The following TMEM131 variants were observed in gnomAD, a reference collection of about 807,000 sequenced individuals.
The protein encoded by TMEM131 is transmembrane protein 131.
TMEM131 carries 66 observed loss-of-function variants against 211.6 expected under a neutral mutation model. The ratio of observed to expected loss-of-function variants is 0.31; its 90% CI spans 0.26 to 0.38. The LOEUF (loss-of-function observed/expected upper bound fraction) is 0.38. TMEM131 is among the 10% of genes least tolerant of loss of function. The pLI is 1.00. For missense variants in TMEM131, 2,036 were observed against 2,299.3 expected, an observed-to-expected ratio of 0.89 and a Z score of 2.34; for synonymous variants, 844 against 841.3, an observed-to-expected ratio of 1.00 and a Z score of -0.06.
chr2:97,971,411 T>A (rs942160186), intron 1 of TMEM131, among the ~76,000 whole-genome samples: 1 of 152,094 alleles, frequency 6.6e-6, no homozygotes, highest in Non-Finnish European at 1.5e-5. Context: ...AGAAAAAAAA[T>A]ACTGAAATAT....
At chr2:97,854,354 G>C (rs1285445853) in intron 5 of TMEM131, among the ~76,000 whole-genome samples, 1 of 152,090 alleles carries the variant, frequency 6.6e-6, no homozygotes, top group Non-Finnish European at 1.5e-5. Context: ...ATATATATGG[G>C]GAAACAAAAA....
chr2:97,811,065 G>T, intron 18 of TMEM131, 63 bp downstream of exon 18: 2 of 1,154,318 alleles, frequency 1.7e-6, no homozygotes, highest in South Asian at 1.3e-5. Context: ...GTTTCATAAA[G>T]ACAAGAAAGG....
At chr2:97,822,999 T>C (rs768386059) in intron 11 of TMEM131, among the ~76,000 whole-genome samples, 6 of 152,162 alleles carry the variant, frequency 3.9e-5, no homozygotes, top group Non-Finnish European at 8.8e-5. Flanking sequence ...ATTATAATAC[T>C]ATCCTGCAGC....
intron 1 of TMEM131, among the ~76,000 whole-genome samples, chr2:97,939,267 T>C (rs1293270416): frequency 6.6e-6 from 1 of 151,858 alleles, no homozygotes; most frequent in Non-Finnish European, 1.5e-5. Context: ...ATCAACAAAA[T>C]TGATAGACCT....
intron 40 of TMEM131, among the ~76,000 whole-genome samples, chr2:97,758,561 A>G (rs1019242637): frequency 6.6e-6 from 1 of 152,204 alleles, no homozygotes; most frequent in African/African-American, 2.4e-5. Context: ...TGAACCTGCC[A>G]TAGGCCTATG....
chr2:97,884,349 A>ATAAC (rs1559423289), intron 4 of TMEM131, among the ~76,000 whole-genome samples: 6 of 152,236 alleles, frequency 3.9e-5, no homozygotes, highest in Admixed American at 1.3e-4. Context: ...ACATACGATC[A>ATAAC]ATCCTGAAGA....
At chr2:97,855,847 G>T (rs750861232) in intron 5 of TMEM131, among the ~76,000 whole-genome samples, 3 of 151,758 alleles carry the variant, frequency 2.0e-5, no homozygotes, top group Non-Finnish European at 4.4e-5. Context: ...TTGCTACATC[G>T]CATTTTGTTA....
Position 97,814,391 on chromosome 2 carries a change from A to C in TMEM131, c.1293-3T>G. 1 of 1,580,294 alleles carries C rather than the reference A, an allele frequency of 6.3e-7. No homozygotes were observed. The highest frequency in any genetic ancestry group is 1.7e-4 in the Middle Eastern group (1 of 5,920). The stretch of plus-strand genomic sequence containing the variant: ...CAGCATGATCAAATCCCAAATAACT[A>C]TTAAAAAAAACAACAAGAACAAAAT... On this transcript the variant is annotated splice_polypyrimidine_tract_variant and splice_region_variant and intron_variant, in intron 13 of 40. Coordinates refer to ENST00000186436, the MANE Select transcript of TMEM131 (RefSeq NM_015348.2).
At chr2:97,812,850 C>A (rs1005853729) in intron 15 of TMEM131, 101 bp from the exon 16 acceptor site, 1 of 636,024 alleles carries the variant, frequency 1.6e-6, no homozygotes, top group Non-Finnish European at 2.6e-6. Flanking sequence ...AAGTTCCCCC[C>A]AAAATTAGCT....
In TMEM131 at chr2:97,851,653, T is replaced by A. The variant is rs1265876472; in HGVS notation, c.484-7392A>T. On this transcript the variant is annotated intron_variant, in intron 5 of 40. Transcript: ENST00000186436. ...ATATTTCCAAATTTTTCATTATTAT[T>A]ATATCTGCATGGTGATCTGTGATCT... Among the ~76,000 whole-genome samples the A allele has an allele frequency of 2.0e-5, 3 of 152,348 alleles. No homozygotes were observed. The East Asian group carries it at 5.8e-4, about 29-fold the overall frequency.
At chr2:97,881,618 A>T (rs1674934126) in intron 4 of TMEM131, among the ~76,000 whole-genome samples, 1 of 151,362 alleles carries the variant, frequency 6.6e-6, no homozygotes, top group Non-Finnish European at 1.5e-5. Flanking sequence ...ACAGACCACA[A>T]GCAATAATAA....
intron 11 of TMEM131, among the ~76,000 whole-genome samples, chr2:97,820,009 T>G (rs756805454): frequency 6.6e-6 from 1 of 152,252 alleles, no homozygotes; most frequent in South Asian, 2.1e-4. Context: ...TCTGATTATA[T>G]GATAATGATC....
intron 1 of TMEM131, among the ~76,000 whole-genome samples, chr2:97,967,098 A>C (rs1679094278): frequency 6.6e-6 from 1 of 152,146 alleles, no homozygotes; most frequent in African/African-American, 2.4e-5. Flanking sequence ...CTTATGGAGT[A>C]TTGTTTTGAC....
intron 31 of TMEM131, among the ~76,000 whole-genome samples, chr2:97,777,856 C>G (rs561902004): frequency 6.6e-6 from 1 of 152,236 alleles, no homozygotes; most frequent in East Asian, 1.9e-4. Flanking sequence ...CCAAACCAAA[C>G]CAAACCAACA....
chr2:97,827,029 A>G (rs1346403281), intron 11 of TMEM131, among the ~76,000 whole-genome samples: 1 of 150,738 alleles, frequency 6.6e-6, no homozygotes, highest in African/African-American at 2.4e-5. Flanking sequence ...CCAAGCAATT[A>G]AGGGAAAAAG....
intron 1 of TMEM131, among the ~76,000 whole-genome samples, chr2:97,930,447 T>C (rs1677171711): frequency 6.6e-6 from 1 of 151,746 alleles, no homozygotes; most frequent in Non-Finnish European, 1.5e-5. Context: ...TTTTAAAAAG[T>C]ATGAGTTATG....
Position 97,818,687 on chromosome 2 carries a change from G to A in TMEM131, c.1109C>T (p.Thr370Met), listed in dbSNP as rs187747732. 3.0e-5 allele frequency: 49 copies of A among 1,607,092 alleles called. 1 individual carries two copies. The highest frequency in any genetic ancestry group is 1.4e-4 in the Admixed American group (8 of 59,172). ...TAATGTAATTGGTTTAAAGTGTACC[G>A]TTATAGCATCATTTTGTGGTGTAGG... ...VRPTPQNDAI[T>M]VHFKPITLKA... Residue 370 changes from threonine to methionine, a missense_variant, in exon 12 of 41, where the codon ACG becomes ATG. Thr to Met is a moderately conservative substitution (Grantham distance 81). Coordinates refer to ENST00000186436, the MANE Select transcript of TMEM131 (RefSeq NM_015348.2).
intron 32 of TMEM131, among the ~76,000 whole-genome samples, chr2:97,774,333 G>A (rs1370284917): frequency 6.6e-6 from 1 of 152,236 alleles, no homozygotes; most frequent in African/African-American, 2.4e-5. Flanking sequence ...TGACTGAATG[G>A]GTAGAACAGA....
chr2:97,995,055 C>T (rs1478066761), intron 1 of TMEM131, among the ~76,000 whole-genome samples: 1 of 152,194 alleles, frequency 6.6e-6, no homozygotes, highest in Non-Finnish European at 1.5e-5. Context: ...TGAACAAATT[C>T]AAAGTGAAAT....
Sources: allele counts gnomAD v4.1 joint callset (sites outside exome capture counted in the v4.1 genomes callset), GRCh38; gene constraint gnomAD v4.1.1; transcripts MANE v1.5; gene names NCBI Gene and HGNC (gene_info 2026-07-23, HGNC 2026-07-21).